Variants in DENND5B observed in about 807,000 individuals in gnomAD.
DENND5B encodes DENN domain containing 5B.
DENND5B carries 34 observed loss-of-function variants against 140.6 expected under a neutral mutation model. The ratio of observed to expected loss-of-function variants is 0.24; its 90% CI spans 0.18 to 0.32. DENND5B has a LOEUF of 0.32. Ranked by LOEUF, DENND5B falls within the 10% of genes least tolerant of loss-of-function variation. The probability of loss-of-function intolerance (pLI) is 1.00; values close to 1 mark genes in which losing one functional copy is unlikely to be tolerated. For synonymous variants in DENND5B, 551 were observed against 562.1 expected (o/e 0.98, Z 0.28); for missense variants, 1,142 against 1,560.2 (o/e 0.73, Z 4.52).
intron 2 of DENND5B, among the ~76,000 whole-genome samples, chr12:31,483,530 T>G (rs929156868): frequency 1.3e-5 from 2 of 151,904 alleles, no homozygotes; most frequent in African/African-American, 4.8e-5. Context: ...AACCTCTGCC[T>G]CGCAAGTTCA....
chr12:31,529,694 C>T (rs1948213123), intron 1 of DENND5B, among the ~76,000 whole-genome samples: 1 of 151,540 alleles, frequency 6.6e-6, no homozygotes, highest in African/African-American at 2.4e-5. Context: ...TCTCATAACC[C>T]AGTCTCAAAA....
rs71460995 is a variant in DENND5B at position 31,587,526 on chromosome 12, C to CTTTTTT, written c.127+3174_127+3179dup. Among the ~76,000 whole-genome samples the CTTTTTT allele has an allele frequency of 1.2e-4, 9 of 75,038 alleles. 2 individuals carry two copies. Among genetic ancestry groups the CTTTTTT allele is most frequent in the Admixed American group, 2.1e-4 (1 of 4,826 alleles). 49.2% of individuals were successfully genotyped at this position (75,038 alleles called of 152,430 possible). A position where few individuals can be genotyped will look rare whatever the true frequency, so the allele number is the denominator to read the frequency against. On this transcript the variant is annotated intron_variant, in intron 1 of 20. Coordinates refer to ENST00000389082, the MANE Select transcript of DENND5B (RefSeq NM_144973.4). ...CAACAACTTCTCTCACCACAAATAC[C>CTTTTTT]TTTTTTTTTTTTTTTTTTTTTTTTT...
intron 4 of DENND5B, among the ~76,000 whole-genome samples, chr12:31,454,476 C>A (rs532538111): frequency 6.6e-6 from 1 of 152,228 alleles, no homozygotes; most frequent in East Asian, 1.9e-4. Context: ...TGTAGTCTTG[C>A]TCTGTCACCC....
At chr12:31,471,326 T>C (rs527737509) in intron 3 of DENND5B, among the ~76,000 whole-genome samples, 1 of 152,332 alleles carries the variant, frequency 6.6e-6, no homozygotes, top group South Asian at 2.1e-4. Flanking sequence ...ATAATTTTGT[T>C]GTGTTTGAGA....
At chr12:31,550,063 T>TA (rs1373080432) in intron 1 of DENND5B, among the ~76,000 whole-genome samples, 1 of 152,064 alleles carries the variant, frequency 6.6e-6, no homozygotes, top group South Asian at 2.1e-4. Context: ...CTTTTTTTTT[T>TA]AAATTTTATT....
In DENND5B at chr12:31,430,557, G is replaced by C. The variant is rs141439790; in HGVS notation, c.2106+2598C>G. ...GGCGTGGTACGTGCCTGTAGTCCCA[G>C]CTACTTGGGAGGCCTAGGCAGGAAG... is the stretch of plus-strand genomic sequence containing the variant. On this transcript the variant is annotated intron_variant, in intron 8 of 20. Coordinates refer to ENST00000389082, the MANE Select transcript of DENND5B (RefSeq NM_144973.4). Among the ~76,000 whole-genome samples, 468 of 146,766 alleles carry C rather than the reference G, an allele frequency of 3.2e-3. 4 individuals carry two copies. The highest frequency in any genetic ancestry group is 0.011 in the African/African-American group (435 of 39,906).
chr12:31,477,333 G>A (rs898389209), intron 3 of DENND5B, among the ~76,000 whole-genome samples: 1 of 152,118 alleles, frequency 6.6e-6, no homozygotes, highest in Admixed American at 6.6e-5. Flanking sequence ...ACTCCATTCA[G>A]GGAAATAAAA....
chr12:31,461,123 A>C (rs1040640567), intron 3 of DENND5B, among the ~76,000 whole-genome samples: 16 of 152,100 alleles, frequency 1.1e-4, no homozygotes, highest in African/African-American at 3.9e-4. Context: ...CCCGTCGCCC[A>C]GGCTGGAGTG....
At chr12:31,401,420 G>A (rs544709342) in intron 15 of DENND5B, among the ~76,000 whole-genome samples, 96 of 152,234 alleles carry the variant, frequency 6.3e-4, no homozygotes, top group African/African-American at 2.1e-3. Context: ...CTGGGGGCGG[G>A]AGGGCATCAT....
chr12:31,483,682 C>T (rs1946169873), intron 2 of DENND5B, among the ~76,000 whole-genome samples: 1 of 151,238 alleles, frequency 6.6e-6, no homozygotes, highest in Non-Finnish European at 1.5e-5. Flanking sequence ...TCATGATCCG[C>T]CTGCTTCGTC....
At position 31,460,476 on chromosome 12, in the gene DENND5B, CT is replaced by C. The variant is rs1319823795; in HGVS notation, c.905-96del. Reference sequence around the variant, plus strand: ...AATGTGGATCTTAAGAAAAAAATTTCTGCGTTAAAAGTAAATATTTCTTTAT... The same window carrying C: ...AATGTGGATCTTAAGAAAAAAATTTCGCGTTAAAAGTAAATATTTCTTTAT... On this transcript the variant is annotated intron_variant, in intron 3 of 20. Transcript: ENST00000389082. 3 of 1,233,506 alleles carry C rather than the reference CT, an allele frequency of 2.4e-6. No individual in the cohort carries two copies. The African/African-American group carries it at 4.5e-5, about 19-fold the overall frequency. The allele number at this position is 1,233,506 out of a possible 1,614,324, so 76.4% of individuals were successfully genotyped here.
chr12:31,480,455 T>C (rs951710029), intron 2 of DENND5B, among the ~76,000 whole-genome samples, 200 bp from the exon 3 acceptor site: 5 of 152,192 alleles, frequency 3.3e-5, no homozygotes, highest in African/African-American at 1.2e-4. Context: ...AAGGAGTATA[T>C]ACAAGGGAAA....
At chr12:31,532,736 T>C (rs1482876299) in intron 1 of DENND5B, among the ~76,000 whole-genome samples, 1 of 152,226 alleles carries the variant, frequency 6.6e-6, no homozygotes, top group African/African-American at 2.4e-5. Flanking sequence ...TCTAAGTTTC[T>C]GGCTTTGGCA....
At chr12:31,398,436 T>C (rs182449176) in intron 16 of DENND5B, 74 bp from the exon 17 acceptor site, 8 of 1,408,560 alleles carry the variant, frequency 5.7e-6, no homozygotes, top group South Asian at 4.4e-5. Flanking sequence ...CCCTGAGTAG[T>C]TGAGACTACA....
intron 1 of DENND5B, among the ~76,000 whole-genome samples, chr12:31,578,126 C>T (rs1463781820): frequency 1.3e-5 from 1 of 77,354 alleles, no homozygotes; most frequent in African/African-American, 5.1e-5. Flanking sequence ...GACGCTGTCT[C>T]AAAAAAAAAA....
intron 14 of DENND5B, among the ~76,000 whole-genome samples, chr12:31,403,752 C>T (rs1941954627): frequency 6.6e-6 from 1 of 150,812 alleles, no homozygotes; most frequent in Non-Finnish European, 1.5e-5. Context: ...AAAAATTAGC[C>T]AGGTGTGGTG....
At position 31,386,543 on chromosome 12, in the gene DENND5B, T is replaced by G. The variant is rs951517238; in HGVS notation, c.*1060A>C. On this transcript the variant is annotated 3_prime_UTR_variant, in exon 21 of 21. Transcript: ENST00000389082. ...GGGTTCATTCTCTCTCTCCTTCTGT[T>G]ATTTGCATTATCATGGTCAACAAAT... 2 of 152,246 alleles carry G rather than the reference T, an allele frequency of 1.3e-5. No homozygotes were observed. Among genetic ancestry groups the G allele is most frequent in the African/African-American group, 4.8e-5 (2 of 41,462 alleles). 9.4% of individuals were successfully genotyped at this position (152,246 alleles called of 1,614,324 possible).
intron 16 of DENND5B, 90 bp from the exon 17 acceptor site, chr12:31,398,452 GCAC>G (rs1239398161): frequency 8.0e-7 from 1 of 1,251,830 alleles, no homozygotes; most frequent in South Asian, 1.7e-5. Flanking sequence ...CTACAGGTGT[GCAC>G]CACCACACCT....
rs767682648 is a variant in DENND5B at position 31,413,492 on chromosome 12, T to C, written c.2625A>G (p.Glu875=). 6.2e-7 allele frequency: 1 copy of C among 1,613,770 alleles called. No homozygotes were observed. Among genetic ancestry groups the C allele is most frequent in the Non-Finnish European group, 8.5e-7 (1 of 1,179,752 alleles). The change falls in exon 13 of 21, where the codon GAA becomes GAG. Residue 875 remains glutamate, a synonymous_variant. Coordinates refer to ENST00000389082, the MANE Select transcript of DENND5B (RefSeq NM_144973.4). ...RARAWIRLSL[E]KKLLSQHLKQ... is the part of the protein sequence containing the mutation. ...TAAGATGCTGGGACAAGAGCTTCTT[T>C]TCTAGAGACAGTCTTATCCACGCCC...
Sources: allele counts gnomAD v4.1 joint callset (sites outside exome capture counted in the v4.1 genomes callset), GRCh38; gene constraint gnomAD v4.1.1; transcripts MANE v1.5; gene names NCBI Gene and HGNC (gene_info 2026-07-23, HGNC 2026-07-21).